TBC1D19: variants seen among roughly 807,000 people sequenced by gnomAD.
TBC1D19 encodes the protein TBC1 domain family, member 19.
TBC1D19 carries 60 observed loss-of-function variants against 89.0 expected under a neutral mutation model. The observed-to-expected ratio is 0.67, with a 90% CI of 0.55 to 0.84. The LOEUF (loss-of-function observed/expected upper bound fraction) is 0.84, where lower values mean the gene tolerates loss of function less well. Ranked by LOEUF, TBC1D19 falls within the 40% of genes least tolerant of loss-of-function variation. The pLI is 0.00. For synonymous variants in TBC1D19, 189 were observed against 199.7 expected (o/e 0.95, Z 0.45); for missense variants, 500 against 610.8 (o/e 0.82, Z 1.91).
At chr4:26,854,318 TTA>T in the TBC1D19 span, among the ~76,000 whole-genome samples, 10,039 of 152,188 alleles carry the variant, frequency 0.066, 433 homozygotes, top group Middle Eastern at 0.12. Flanking sequence ...GGACTAGAAA[TTA>T]TCTTACTAAT....
At chr4:26,661,149 C>T (rs1472839126) in intron 8 of TBC1D19, among the ~76,000 whole-genome samples, 1 of 152,084 alleles carries the variant, frequency 6.6e-6, no homozygotes, top group Admixed American at 6.6e-5. Context: ...CCTCCTCCCC[C>T]ACAGAAGACC....
chr4:26,604,148 C>CTTTTTTTTTT (rs1173641270), intron 1 of TBC1D19, among the ~76,000 whole-genome samples: 3 of 120,726 alleles, frequency 2.5e-5, no homozygotes, highest in Non-Finnish European at 5.1e-5. Flanking sequence ...TTTTCTTTTT[C>CTTTTTTTTTT]TTTTTTTTTT....
intron 1 of TBC1D19, among the ~76,000 whole-genome samples, chr4:26,612,597 T>C (rs1741450082): frequency 6.6e-6 from 1 of 152,120 alleles, no homozygotes; most frequent in African/African-American, 2.4e-5. Context: ...GGAAAAATTA[T>C]ATTTTTGGTA....
chr4:26,639,237 T>C (rs1456881340), intron 6 of TBC1D19, among the ~76,000 whole-genome samples: 1 of 152,024 alleles, frequency 6.6e-6, no homozygotes, highest in South Asian at 2.1e-4. Context: ...TTTGTAGAGA[T>C]GGGGTTTTGC....
chr4:26,700,263 A>G (rs1715205358), intron 13 of TBC1D19, among the ~76,000 whole-genome samples: 1 of 152,164 alleles, frequency 6.6e-6, no homozygotes, highest in Non-Finnish European at 1.5e-5. Context: ...AACTCATCCA[A>G]GAAACTCAAC....
the TBC1D19 span, among the ~76,000 whole-genome samples, chr4:26,852,640 G>A: frequency 4.7e-5 from 7 of 149,912 alleles, no homozygotes; most frequent in Non-Finnish European, 7.4e-5. Context: ...TGTTTTTTGA[G>A]ATGGAGTCTC....
the TBC1D19 span, chr4:26,857,668 G>C: frequency 1.3e-5 from 2 of 152,190 alleles, no homozygotes; most frequent in African/African-American, 4.8e-5. Flanking sequence ...GGGGGAAGCC[G>C]GCAGGAGGCA....
chr4:26,852,515 C>A, the TBC1D19 span, among the ~76,000 whole-genome samples: 4 of 152,142 alleles, frequency 2.6e-5, no homozygotes, highest in Non-Finnish European at 5.9e-5. Context: ...TGTGATTGTG[C>A]CACTGTACTC....
intron 13 of TBC1D19, among the ~76,000 whole-genome samples, chr4:26,689,724 T>C (rs1435904005): frequency 6.6e-6 from 1 of 152,172 alleles, no homozygotes; most frequent in Non-Finnish European, 1.5e-5. Flanking sequence ...GCAAACTTAA[T>C]TGATAAATGC....
the TBC1D19 span, among the ~76,000 whole-genome samples, chr4:26,808,099 A>C: frequency 6.6e-6 from 1 of 152,244 alleles, no homozygotes; most frequent in African/African-American, 2.4e-5. Flanking sequence ...AGACATCGTC[A>C]TGCCGTCATT....
intron 15 of TBC1D19, among the ~76,000 whole-genome samples, chr4:26,724,293 A>G (rs1717162111): frequency 6.6e-6 from 1 of 151,700 alleles, no homozygotes; most frequent in South Asian, 2.1e-4. Context: ...ATTTTTTATT[A>G]TTTTTTTTCC....
the TBC1D19 span, among the ~76,000 whole-genome samples, chr4:26,770,975 G>A: frequency 6.8e-6 from 1 of 147,898 alleles, no homozygotes; most frequent in African/African-American, 2.5e-5. Context: ...TATTTACTAG[G>A]AAATTTGTAC....
chr4:26,735,012 ATG>A (rs1246817559), intron 15 of TBC1D19, among the ~76,000 whole-genome samples: 2 of 150,904 alleles, frequency 1.3e-5, no homozygotes, highest in Non-Finnish European at 3.0e-5. Context: ...ACATATGTAT[ATG>A]TGTATACACA....
upstream of TBC1D19, among the ~76,000 whole-genome samples, chr4:26,580,674 A>G (rs1017138804): frequency 2.0e-5 from 3 of 152,260 alleles, no homozygotes; most frequent in Non-Finnish European, 2.9e-5. Context: ...CAGACATGGC[A>G]TGTTAAAAGC....
intron 13 of TBC1D19, among the ~76,000 whole-genome samples, chr4:26,702,708 A>G (rs972073881): frequency 6.6e-6 from 1 of 152,182 alleles, no homozygotes; most frequent in Admixed American, 6.5e-5. Flanking sequence ...TAAATGCTGT[A>G]GTAAGAACAC....
chr4:26,736,468 G>A lies in TBC1D19; in HGVS notation c.1117+981G>A, dbSNP rs896337584. Among the ~76,000 whole-genome samples, 22 of 150,244 alleles carry A rather than the reference G, an allele frequency of 1.5e-4. 1 individual carries two copies. Among genetic ancestry groups the A allele is most frequent in the African/African-American group, 5.1e-4 (21 of 40,992 alleles). On this transcript the variant is annotated intron_variant, in intron 16 of 20. Coordinates refer to ENST00000264866, the MANE Select transcript of TBC1D19 (RefSeq NM_018317.4). ...TAGATGACAAGTTAGTGGGTGCAGC[G>A]CACCAGCATGGCACATGTATACGTA...
chr4:26,728,881 G>A (rs542635439), intron 15 of TBC1D19, among the ~76,000 whole-genome samples: 71 of 152,214 alleles, frequency 4.7e-4, no homozygotes, highest in Non-Finnish European at 9.0e-4. Flanking sequence ...CGGGCGTGAT[G>A]GCGGGCGCCT....
chr4:26,814,942 G>A, the TBC1D19 span, among the ~76,000 whole-genome samples: 10 of 151,546 alleles, frequency 6.6e-5, no homozygotes, highest in Non-Finnish European at 1.5e-5. Context: ...GGATCACCGG[G>A]ACCCAGGAAG....
At chr4:26,587,568 C>T (rs1353979757) in intron 1 of TBC1D19, among the ~76,000 whole-genome samples, 3 of 93,808 alleles carry the variant, frequency 3.2e-5, no homozygotes, top group Admixed American at 1.3e-4. Flanking sequence ...TAGAGCCAGA[C>T]CTTGTCTCAA....
Sources: gnomAD v4.1 joint callset for allele counts (sites outside exome capture counted in the v4.1 genomes callset) on GRCh38, gnomAD v4.1.1 for gene constraint, MANE v1.5 for transcripts, NCBI Gene and HGNC (gene_info 2026-07-23, HGNC 2026-07-21) for gene names.